Variants in MACROD2 observed in about 807,000 individuals in gnomAD.
The protein encoded by MACROD2 is mono-ADP ribosylhydrolase 2.
In MACROD2, 36 loss-of-function variants were observed where a neutral mutation model predicts 70.4. That is an observed-to-expected ratio of 0.51 (90% CI 0.39 to 0.68). The LOEUF is 0.68. Ranked by LOEUF, MACROD2 falls within the 30% of genes least tolerant of loss-of-function variation. The probability of loss-of-function intolerance (pLI) is 0.00; values close to 1 mark genes in which losing one functional copy is unlikely to be tolerated. For synonymous variants in MACROD2, 172 were observed against 178.8 expected (o/e 0.96, Z 0.30); for missense variants, 496 against 538.4 (o/e 0.92, Z 0.78).
intron 4 of MACROD2, among the ~76,000 whole-genome samples, chr20:14,560,611 T>G (rs762249021): frequency 2.0e-5 from 3 of 151,890 alleles, no homozygotes; most frequent in Non-Finnish European, 4.4e-5. Flanking sequence ...TGTTTGAATA[T>G]CACAAAGAAA....
chr20:14,098,807 C>G (rs1474645092), intron 3 of MACROD2, among the ~76,000 whole-genome samples: 9 of 152,066 alleles, frequency 5.9e-5, no homozygotes, highest in African/African-American at 2.2e-4. Context: ...TCTCTACTAG[C>G]AAAGCATCAA....
intron 5 of MACROD2, among the ~76,000 whole-genome samples, chr20:15,129,695 G>A (rs2076091232): frequency 6.6e-6 from 1 of 151,938 alleles, no homozygotes; most frequent in Non-Finnish European, 1.5e-5. Flanking sequence ...TCTCTCTTAC[G>A]ACTGATTACT....
In MACROD2 at chr20:15,007,122, T is replaced by C. The variant is rs558357099; in HGVS notation, c.419-222818T>C. ...GCTCACTTCTGTAATCCCAGCACTT[T>C]GGGAGGCTGAGGCAGGCGGATCACA... is the stretch of plus-strand genomic sequence containing the variant. On this transcript the variant is annotated intron_variant, in intron 5 of 17. Transcript: ENST00000684519. Among the ~76,000 whole-genome samples, 854 of 152,168 alleles carry C rather than the reference T, an allele frequency of 5.6e-3. 4 individuals carry two copies. The highest frequency in any genetic ancestry group is 0.024 in the South Asian group (114 of 4,810).
chr20:15,140,487 G>A (rs1359820237), intron 5 of MACROD2, among the ~76,000 whole-genome samples: 1 of 152,140 alleles, frequency 6.6e-6, no homozygotes, highest in Non-Finnish European at 1.5e-5. Context: ...ATATTTCTTG[G>A]ATAATGTAGT....
chr20:14,388,048 C>G (rs1349010220), intron 3 of MACROD2, among the ~76,000 whole-genome samples: 2 of 144,188 alleles, frequency 1.4e-5, no homozygotes, highest in Non-Finnish European at 3.0e-5. Context: ...CTTGCTCAGT[C>G]ACCCAGGCTG....
intron 5 of MACROD2, among the ~76,000 whole-genome samples, chr20:14,847,840 C>T (rs544070228): frequency 4.6e-5 from 7 of 152,112 alleles, no homozygotes; most frequent in Non-Finnish European, 1.0e-4. Context: ...CTTTGAAATT[C>T]AGTCCAGTTT....
chr20:15,436,169 A>G (rs1190711600), intron 7 of MACROD2, among the ~76,000 whole-genome samples: 7 of 151,958 alleles, frequency 4.6e-5, no homozygotes, highest in South Asian at 2.1e-4. Context: ...AAATTACTTC[A>G]TATGTCCTGC....
At chr20:14,397,962 T>G (rs952746221) in intron 3 of MACROD2, among the ~76,000 whole-genome samples, 2 of 149,280 alleles carry the variant, frequency 1.3e-5, no homozygotes, top group Non-Finnish European at 3.0e-5. Flanking sequence ...TGTTGTTGTT[T>G]CCACATGTGA....
chr20:15,652,678 A>G (rs1397237036), intron 8 of MACROD2, among the ~76,000 whole-genome samples: 2 of 152,102 alleles, frequency 1.3e-5, no homozygotes, highest in African/African-American at 4.8e-5. Flanking sequence ...AAAAGTGTGA[A>G]TGCCACAAGT....
chr20:15,604,808 A>G (rs1355386331), intron 8 of MACROD2, among the ~76,000 whole-genome samples: 2 of 152,208 alleles, frequency 1.3e-5, no homozygotes, highest in African/African-American at 4.8e-5. Flanking sequence ...GTAACTGGTT[A>G]TCTTAGAGTT....
At chr20:14,214,454 C>T (rs982361130) in intron 3 of MACROD2, among the ~76,000 whole-genome samples, 2 of 152,034 alleles carry the variant, frequency 1.3e-5, no homozygotes, top group African/African-American at 4.8e-5. Context: ...GTATTGAACA[C>T]AATGGAAGTG....
At chr20:15,977,823 C>A (rs1450115185) in intron 13 of MACROD2, among the ~76,000 whole-genome samples, 2 of 152,058 alleles carry the variant, frequency 1.3e-5, no homozygotes, top group Non-Finnish European at 2.9e-5. Context: ...GCAAGTAGAT[C>A]TCAATTTTAA....
rs183181463 is a variant in MACROD2 at position 14,201,265 on chromosome 20, G to A, written c.271+115537G>A. ...TCAATGAATTGATTAAAACTTGGAA[G>A]AAAGGCCTTGGATAATCTATAAACT... On this transcript the variant is annotated intron_variant, in intron 3 of 17. Transcript: ENST00000684519. Among the ~76,000 whole-genome samples, 251 of 152,244 alleles carry A rather than the reference G, an allele frequency of 1.6e-3. 2 individuals are homozygous for A. Among genetic ancestry groups the A allele is most frequent in the African/African-American group, 5.7e-3 (236 of 41,540 alleles).
At chr20:14,260,845 A>G (rs1231826032) in intron 3 of MACROD2, among the ~76,000 whole-genome samples, 1 of 152,216 alleles carries the variant, frequency 6.6e-6, no homozygotes, top group Admixed American at 6.5e-5. Context: ...AGGAATACAT[A>G]AGTATAACAA....
Position 15,848,532 on chromosome 20 carries a change from G to A in MACROD2, c.646-14213G>A, listed in dbSNP as rs185771043. On this transcript the variant is annotated intron_variant, in intron 8 of 17. Coordinates refer to ENST00000684519, the MANE Select transcript of MACROD2 (RefSeq NM_001351661.2). ...GGGGGCATTTTGGGCATCATCCCAA[G>A]TTCCCGAGGGAGACTTAATAGCCCT... Among the ~76,000 whole-genome samples the A allele has an allele frequency of 3.3e-4, 51 of 152,294 alleles. No homozygotes were observed. The East Asian group carries it at 5.0e-3, about 15-fold the overall frequency.
At chr20:15,315,904 A>G (rs1368033131) in intron 6 of MACROD2, among the ~76,000 whole-genome samples, 1 of 152,186 alleles carries the variant, frequency 6.6e-6, no homozygotes, top group Admixed American at 6.5e-5. Context: ...TAAAGATGTA[A>G]TTTGTAACAA....
chr20:15,318,009 C>T (rs1481809926), intron 6 of MACROD2, among the ~76,000 whole-genome samples: 1 of 151,754 alleles, frequency 6.6e-6, no homozygotes, highest in Non-Finnish European at 1.5e-5. Flanking sequence ...AAAAGATCAA[C>T]AAAATTGTCA....
At chr20:14,963,710 G>C (rs2074605078) in intron 5 of MACROD2, among the ~76,000 whole-genome samples, 1 of 152,124 alleles carries the variant, frequency 6.6e-6, no homozygotes, top group Non-Finnish European at 1.5e-5. Context: ...TGCTGAACTA[G>C]AAAATAGCTT....
In MACROD2 at chr20:16,051,599, T is replaced by C. The variant is rs2147635475; in HGVS notation, c.*1723T>C. On this transcript the variant is annotated 3_prime_UTR_variant, in exon 18 of 18. Coordinates refer to ENST00000684519, the MANE Select transcript of MACROD2 (RefSeq NM_001351661.2). ...CCAGTTTGATATGGAAGCATCTATA[T>C]CCTCTATTGCCGTTAGATGTTGTTG... The C allele has an allele frequency of 6.6e-6, 1 of 152,324 alleles. No homozygotes were observed. 9.4% of individuals were successfully genotyped at this position (152,324 alleles called of 1,614,324 possible).
Sources: gnomAD v4.1 joint callset for allele counts (sites outside exome capture counted in the v4.1 genomes callset) on GRCh38, gnomAD v4.1.1 for gene constraint, MANE v1.5 for transcripts, NCBI Gene and HGNC (gene_info 2026-07-23, HGNC 2026-07-21) for gene names.